The following WDR81 variants were observed in gnomAD, a reference collection of about 807,000 sequenced individuals.
WDR81 encodes the protein WD repeat domain 81.
Under a neutral mutation model 140.8 loss-of-function variants are expected in WDR81, and 92 were observed. The ratio of observed to expected loss-of-function variants is 0.65; its 90% CI spans 0.55 to 0.78. The LOEUF is 0.78. Ranked by LOEUF, WDR81 falls within the 30% of genes least tolerant of loss-of-function variation. The pLI, the probability that WDR81 is intolerant of heterozygous loss-of-function variation, is 0.00. For missense variants in WDR81, 2,502 were observed against 2,636.4 expected (o/e 0.95, Z 1.12); for synonymous variants, 1,183 against 1,156.4 (o/e 1.02, Z -0.47).
Position 1,736,055 on chromosome 17 carries a change from G to A in WDR81, c.5342G>A (p.Gly1781Asp). 1.9e-6 allele frequency: 3 copies of A among 1,599,432 alleles called. No individual in the cohort carries two copies. The highest frequency in any genetic ancestry group is 2.5e-6 in the Non-Finnish European group (3 of 1,179,306). ...TCCCTGCAGCACGAGTTCCGACTGG[G>A]CGGTGGGCTGAACCCTGGGCTTGTC... Reference protein sequence around the residue: ...KPGLQHEFRLGGGLNPGLVRA... With the variant: ...KPGLQHEFRLDGGLNPGLVRA... Residue 1781 changes from glycine (G) to aspartate (D), a missense_variant, in exon 9 of 10, where the codon GGC becomes GAC. Physicochemically the swap from Gly to Asp is moderately conservative, Grantham distance 94. Around this residue, in one of 3 missense-constraint regions of WDR81, gnomAD observed 1,737 missense variants for 1,843.0 expected, o/e 0.94. Transcript: ENST00000409644.
rs1359869486 is a variant in WDR81, at chr17:1,738,075, G to A, written c.*390G>A. 6.7e-6 allele frequency: 2 copies of A among 296,998 alleles called. No individual in the cohort carries two copies. The highest frequency in any genetic ancestry group is 4.3e-5 in the African/African-American group (2 of 46,358). 18.4% of individuals were successfully genotyped at this position (296,998 alleles called of 1,614,324 possible). A position where few individuals can be genotyped will look rare whatever the true frequency, so the allele number is the denominator to read the frequency against. ...GTCTCTAGCCCCTCAGCCCCCGCTG[G>A]GCACTCTCTGTCCCATCCCTCTAGG... On this transcript the variant is annotated 3_prime_UTR_variant, in exon 10 of 10. Transcript: ENST00000409644.
In WDR81 at chr17:1,727,979, A is replaced by G. The variant is rs772395348; in HGVS notation, c.3020A>G (p.His1007Arg). The G allele has an allele frequency of 6.5e-7, 1 of 1,550,240 alleles. No homozygotes were observed. The highest frequency in any genetic ancestry group is 8.7e-7 in the Non-Finnish European group (1 of 1,147,018). Residue 1007 changes from histidine (H) to arginine (R), a missense_variant, in exon 1 of 10, where the codon CAT (histidine) becomes CGT (arginine). Coordinates refer to ENST00000409644, the MANE Select transcript of WDR81 (RefSeq NM_001163809.2). ...GCATTTCTCACTCACCTGCTGCCCCATGTCCTGCAGGTGCTGGCGGGCGCA... is the reference window on the plus strand; with the variant it reads ...GCATTTCTCACTCACCTGCTGCCCCGTGTCCTGCAGGTGCTGGCGGGCGCA... ...LQAFLTHLLPHVLQVLAGAEA... is the reference protein window; with the variant it reads ...LQAFLTHLLPRVLQVLAGAEA...
upstream of WDR81, among the ~76,000 whole-genome samples, chr17:1,719,750 T>C (rs1597278318): frequency 1.3e-5 from 2 of 150,106 alleles, 1 homozygote; most frequent in South Asian, 4.2e-4. Flanking sequence ...CACCTGTAAT[T>C]GTAGCACTTT....
chr17:1,734,988 C>A (rs1347660470), intron 7 of WDR81, among the ~76,000 whole-genome samples: 1 of 151,976 alleles, frequency 6.6e-6, no homozygotes, highest in African/African-American at 2.4e-5. Context: ...GGATGGGAGC[C>A]TGGCCGGGCC....
At chr17:1,730,725 G>T in intron 2 of WDR81, 30 bp from the exon 3 acceptor site, 2 of 1,583,000 alleles carry the variant, frequency 1.3e-6, no homozygotes, top group Non-Finnish European at 1.7e-6. Flanking sequence ...CTCCACTGGC[G>T]ACTCAGGGCT....
At chr17:1,729,449 C>A (rs1026753730) in intron 1 of WDR81, among the ~76,000 whole-genome samples, 2 of 151,852 alleles carry the variant, frequency 1.3e-5, no homozygotes, top group Non-Finnish European at 2.9e-5. Context: ...CACTGCACTG[C>A]AGCTTGGGCA....
chr17:1,724,746 C>A lies in WDR81; in HGVS notation c.-214C>A. On this transcript the variant is annotated 5_prime_UTR_variant, in exon 1 of 10. Coordinates refer to ENST00000409644, the MANE Select transcript of WDR81 (RefSeq NM_001163809.2). ...GGAGCCCGGTGCTCGCGCCCGGCAGCCTCTGCCCCGCCGCGCCCGGAGCGC... is the reference window on the plus strand; with the variant it reads ...GGAGCCCGGTGCTCGCGCCCGGCAGACTCTGCCCCGCCGCGCCCGGAGCGC... The A allele has an allele frequency of 8.9e-7, 1 of 1,123,318 alleles. No individual in the cohort carries two copies. The allele number at this position is 1,123,318 out of a possible 1,614,324, so 69.6% of individuals were successfully genotyped here.
intron 1 of WDR81, among the ~76,000 whole-genome samples, chr17:1,729,211 G>A (rs1229978699): frequency 1.3e-5 from 2 of 152,222 alleles, no homozygotes; most frequent in Non-Finnish European, 2.9e-5. Flanking sequence ...CGGGCGCCGT[G>A]GCTCACGCCT....
chr17:1,723,891 GC>G (rs1396035706), upstream of WDR81, among the ~76,000 whole-genome samples: 2 of 152,200 alleles, frequency 1.3e-5, no homozygotes, highest in Non-Finnish European at 2.9e-5. Flanking sequence ...AGGCGGACAA[GC>G]CTCTCTGGCG....
chr17:1,732,991 G>A (rs1904491904), intron 6 of WDR81, 160 bp downstream of exon 6: 1 of 889,468 alleles, frequency 1.1e-6, no homozygotes, highest in Non-Finnish European at 1.6e-6. Flanking sequence ...CCCCCAAGGT[G>A]ACACACAAAC....
rs1915373756 is a variant in WDR81 at position 1,727,597 on chromosome 17, C to T, written c.2638C>T (p.Leu880=). 1.9e-6 allele frequency: 3 copies of T among 1,550,478 alleles called. No individual in the cohort carries two copies. Among genetic ancestry groups the T allele is most frequent in the Admixed American group, 2.0e-5 (1 of 50,990 alleles). ...VVPFPPYFPA[L]HRFILLYQAR... Reference sequence around the variant, plus strand: ...TCCCTTCCCACCCTACTTCCCGGCACTGCACAGATTCATCCTCCTGTACCA... The same window carrying T: ...TCCCTTCCCACCCTACTTCCCGGCATTGCACAGATTCATCCTCCTGTACCA... The change falls in exon 1 of 10, where the codon CTG becomes TTG. Residue 880 remains leucine, a synonymous_variant. Coordinates refer to ENST00000409644, the MANE Select transcript of WDR81 (RefSeq NM_001163809.2).
chr17:1,730,003 A>AAAGAAGAAGAAG lies in WDR81; in HGVS notation c.3668-369_3668-358dup, dbSNP rs34994724. ...GAGACTCTGTCTCAAAAAAAAAAAA[A>AAAGAAGAAGAAG]AAGAAGAAGAAGAAGAAGAGAAGCA... On this transcript the variant is annotated intron_variant, in intron 1 of 9. Transcript: ENST00000409644. Among the ~76,000 whole-genome samples the AAAGAAGAAGAAG allele has an allele frequency of 3.1e-3, 452 of 145,070 alleles. 1 individual carries two copies. The highest frequency in any genetic ancestry group is 9.2e-3 in the East Asian group (45 of 4,874).
rs1322363259 is a variant in WDR81, at chr17:1,726,545, G to A, written c.1586G>A (p.Arg529Gln). ...SSSQEFVAAH[R>Q]ALLESREVSR... ...AGCCAGGAGTTCGTAGCTGCCCACC[G>A]AGCCCTGCTGGAGAGCCGCGAGGTA... is the stretch of plus-strand genomic sequence containing the variant. The change falls in exon 1 of 10, where the codon CGA becomes CAA. Residue 529 changes from arginine to glutamine, a missense_variant. Transcript: ENST00000409644. 12 of 1,550,272 alleles carry A rather than the reference G, an allele frequency of 7.7e-6. No individual in the cohort carries two copies. The highest frequency in any genetic ancestry group is 1.7e-4 in the Middle Eastern group (1 of 6,014).
At position 1,727,055 on chromosome 17, in the gene WDR81, G is replaced by T; in HGVS notation, c.2096G>T (p.Arg699Leu). 7.1e-6 allele frequency: 11 copies of T among 1,550,234 alleles called. No homozygotes were observed. The highest frequency in any genetic ancestry group is 8.7e-6 in the Non-Finnish European group (10 of 1,146,894). Residue 699 changes from arginine to leucine, a missense_variant, in exon 1 of 10, where the codon CGT becomes CTT. This residue lies in a region of WDR81 where 1,737 missense variants were observed against 1,843.0 expected (regional missense o/e 0.94). Coordinates refer to ENST00000409644, the MANE Select transcript of WDR81 (RefSeq NM_001163809.2). ...TCTTTCTCAGTGGCCTCAGCCTCCC[G>T]TCCAGGCCGCAGGAATAAAGCTGCT... ...LLSFSVASAS[R>L]PGRRNKAAGA... is the part of the protein sequence containing the mutation.
chr17:1,734,106 G>T lies in WDR81; in HGVS notation c.5069G>T (p.Arg1690Leu). ...GACGGGACCAGCGAGACGGCCCCAC[G>T]CCTCGTCTACACCCAGCACCGCAAG... ...YGDGTSETAP[R>L]LVYTQHRKSV... Residue 1690 changes from arginine to leucine, a missense_variant, in exon 7 of 10, where the codon CGC (arginine) becomes CTC (leucine). This residue lies in a region of WDR81 where 1,737 missense variants were observed against 1,843.0 expected (regional missense o/e 0.94). Coordinates refer to ENST00000409644, the MANE Select transcript of WDR81 (RefSeq NM_001163809.2). The T allele has an allele frequency of 6.6e-7, 1 of 1,526,352 alleles. No individual in the cohort carries two copies. The allele number at this position is 1,526,352 out of a possible 1,614,324, so 94.6% of individuals were successfully genotyped here.
intron 6 of WDR81, among the ~76,000 whole-genome samples, chr17:1,733,298 C>T (rs1295406068): frequency 2.0e-5 from 3 of 152,242 alleles, no homozygotes; most frequent in Non-Finnish European, 4.4e-5. Context: ...ATATTCTATT[C>T]CTAGTGCCCA....
In WDR81 at chr17:1,726,659, A is replaced by T; in HGVS notation, c.1700A>T (p.His567Leu). 6.5e-7 allele frequency: 1 copy of T among 1,550,146 alleles called. No homozygotes were observed. The highest frequency in any genetic ancestry group is 2.4e-5 in the East Asian group (1 of 40,912). Residue 567 changes from histidine to leucine, a missense_variant, in exon 1 of 10, where the codon CAC (histidine) becomes CTC (leucine). By Grantham distance (99) the His-to-Leu change is moderately conservative (BLOSUM62 -3). This residue lies in a region of WDR81 where 218 missense variants were observed against 279.6 expected (regional missense o/e 0.78). Transcript: ENST00000409644. ...GTCAAGGAAAAGAATGTGTGTCTGC[A>T]CCTGGTGGACGCCCACACTCACCTG... is the stretch of plus-strand genomic sequence containing the variant. ...EAVKEKNVCLHLVDAHTHLAS... is the reference protein window; with the variant it reads ...EAVKEKNVCLLLVDAHTHLAS...
rs1473569655 is a variant in WDR81 at position 1,728,533 on chromosome 17, A to G, written c.3574A>G (p.Thr1192Ala). 4 of 1,557,906 alleles carry G rather than the reference A, an allele frequency of 2.6e-6. No individual in the cohort carries two copies. Among genetic ancestry groups the G allele is most frequent in the Non-Finnish European group, 3.5e-6 (4 of 1,147,770 alleles). ...TLSDTVLSME[T>A]VVAGGSGGDG... ...GTCTGACACGGTGCTGTCCATGGAG[A>G]CGGTTGTGGCCGGCGGCAGTGGGGG... is the stretch of plus-strand genomic sequence containing the variant. Residue 1192 changes from threonine to alanine, a missense_variant, in exon 1 of 10, where the codon ACG becomes GCG. Around this residue, in one of 3 missense-constraint regions of WDR81, gnomAD observed 1,737 missense variants for 1,843.0 expected, o/e 0.94. Transcript: ENST00000409644.
chr17:1,725,642 C>G lies in WDR81; in HGVS notation c.683C>G (p.Pro228Arg). 1 of 1,545,778 alleles carries G rather than the reference C, an allele frequency of 6.5e-7. No individual in the cohort carries two copies. The highest frequency in any genetic ancestry group is 8.7e-7 in the Non-Finnish European group (1 of 1,146,984). The change falls in exon 1 of 10, where the codon CCG becomes CGG. Residue 228 changes from proline to arginine, a missense_variant. Pro to Arg is a moderately radical substitution (Grantham distance 103). Around this residue, in one of 3 missense-constraint regions of WDR81, gnomAD observed 547 missense variants for 513.8 expected, o/e 1.06. Coordinates refer to ENST00000409644, the MANE Select transcript of WDR81 (RefSeq NM_001163809.2). The stretch of plus-strand genomic sequence containing the variant: ...CGGGCTGAGGCCTTGCTGGAGTCGC[C>G]GGAGATGCTGTATGTGGTACACCCT... ...LLRAEALLES[P>R]EMLYVVHPYV...
Sources: gnomAD v4.1 joint callset for allele counts (sites outside exome capture counted in the v4.1 genomes callset) on GRCh38, gnomAD v4.1.1 for gene constraint, gnomAD v4.1.1 regional missense constraint, MANE v1.5 for transcripts, NCBI Gene and HGNC (gene_info 2026-07-23, HGNC 2026-07-21) for gene names.